The following PARVA variants were observed in gnomAD, a reference collection of about 807,000 sequenced individuals.
The protein encoded by PARVA is parvin alpha, also known as alpha-parvin.
In PARVA, 25 loss-of-function variants were observed where a neutral mutation model predicts 52.6. The ratio of observed to expected loss-of-function variants is 0.48; its 90% confidence interval spans 0.35 to 0.66. PARVA has a LOEUF of 0.66. Ranked by LOEUF, PARVA falls within the 30% of genes least tolerant of loss-of-function variation. The pLI is 0.01. For synonymous variants in PARVA, 185 were observed against 179.1 expected (o/e 1.03, Z -0.26); for missense variants, 373 against 450.9 (o/e 0.83, Z 1.56).
At chr11:12,454,449 A>AT in intron 1 of PARVA, among the ~76,000 whole-genome samples, 1 of 151,986 alleles carries the variant, frequency 6.6e-6, no homozygotes, top group Non-Finnish European at 1.5e-5. Flanking sequence ...TTAGTTGAAT[A>AT]TTTTTTTCAG....
chr11:12,473,680 T>A, intron 1 of PARVA, 65 bp from the exon 2 acceptor site: 2 of 1,215,704 alleles, frequency 1.6e-6, no homozygotes, highest in Admixed American at 4.0e-5. Context: ...ACACCCTTGT[T>A]ACAGAGCTCC....
chr11:12,456,363 G>A (rs1417444254), intron 1 of PARVA, among the ~76,000 whole-genome samples: 2 of 152,072 alleles, frequency 1.3e-5, no homozygotes, highest in African/African-American at 4.8e-5. Context: ...GTCAGAGCTG[G>A]GATTAATCCA....
In PARVA at chr11:12,473,959, C is replaced by G. The variant is rs1398743718; in HGVS notation, c.273C>G (p.Asp91Glu). The G allele has an allele frequency of 5.1e-6, 8 of 1,581,144 alleles. 1 individual carries two copies. The South Asian group carries it at 9.3e-5, about 18-fold the overall frequency. The stretch of plus-strand genomic sequence containing the variant: ...TGGTGGATCCAAACTCACGCAGTGA[C>G]CCCAAGCTTCAAGAACTGATGAAGG... ...RTMVDPNSRS[D>E]PKLQELMKVL... Residue 91 changes from aspartate (D) to glutamate (E), a missense_variant, in exon 3 of 13, where the codon GAC (aspartate) becomes GAG (glutamate). Asp to Glu is a conservative substitution (Grantham distance 45, BLOSUM62 2). Transcript: ENST00000334956.
At chr11:12,527,244 G>A (rs1298032531) in intron 12 of PARVA, among the ~76,000 whole-genome samples, 1 of 151,672 alleles carries the variant, frequency 6.6e-6, no homozygotes, top group East Asian at 2.0e-4. Context: ...AAGATCCGGG[G>A]GCACGGAAGA....
At chr11:12,442,227 T>C (rs1325972782) in intron 1 of PARVA, among the ~76,000 whole-genome samples, 1 of 152,266 alleles carries the variant, frequency 6.6e-6, no homozygotes, top group Non-Finnish European at 1.5e-5. Flanking sequence ...CAGTGCCCGA[T>C]GCTGCTGTCC....
chr11:12,457,936 C>T (rs1337011313), intron 1 of PARVA, among the ~76,000 whole-genome samples: 2 of 152,238 alleles, frequency 1.3e-5, no homozygotes, highest in Non-Finnish European at 2.9e-5. Context: ...TGCTCCTTCA[C>T]CACTGGAGCT....
chr11:12,416,947 T>C (rs1940075100), intron 1 of PARVA, among the ~76,000 whole-genome samples: 1 of 152,182 alleles, frequency 6.6e-6, no homozygotes, highest in Non-Finnish European at 1.5e-5. Context: ...TAGTAATCTT[T>C]AGATTACTAA....
At chr11:12,517,865 G>C (rs1941589965) in intron 11 of PARVA, among the ~76,000 whole-genome samples, 154 bp downstream of exon 11, 1 of 152,236 alleles carries the variant, frequency 6.6e-6, no homozygotes, top group Non-Finnish European at 1.5e-5. Flanking sequence ...TAAGAGCTGA[G>C]CTGGGAAGGA....
At chr11:12,430,568 T>C (rs1940302215) in intron 1 of PARVA, among the ~76,000 whole-genome samples, 1 of 152,246 alleles carries the variant, frequency 6.6e-6, no homozygotes, top group East Asian at 1.9e-4. Context: ...TTCCTGAATC[T>C]CATACCAAGA....
At chr11:12,408,185 C>T (rs1164373279) in intron 1 of PARVA, among the ~76,000 whole-genome samples, 1 of 152,164 alleles carries the variant, frequency 6.6e-6, no homozygotes, top group African/African-American at 2.4e-5. Flanking sequence ...GCCACTGAGA[C>T]CCCATTGTCT....
rs1162963503 is a variant in PARVA at position 12,530,529 on chromosome 11, T to C, written c.*2604T>C. 1 of 152,184 alleles carries C rather than the reference T, an allele frequency of 6.6e-6. No individual in the cohort carries two copies. Among genetic ancestry groups the C allele is most frequent in the Non-Finnish European group, 1.5e-5 (1 of 68,050 alleles). 9.4% of individuals were successfully genotyped at this position (152,184 alleles called of 1,614,324 possible). A position where few individuals can be genotyped will look rare whatever the true frequency, so the allele number is the denominator to read the frequency against. ...AAAATTTAAAAAGCGCAAATAGGTA[T>C]CTAGTGGAAAACCTAAGCCTCCCTC... On this transcript the variant is annotated 3_prime_UTR_variant, in exon 13 of 13. Coordinates refer to ENST00000334956, the MANE Select transcript of PARVA (RefSeq NM_018222.5).
rs1439255672 is a variant in PARVA, at chr11:12,530,647, C to A, written c.*2722C>A. 6.6e-6 allele frequency: 1 copy of A among 152,126 alleles called. No individual in the cohort carries two copies. Among genetic ancestry groups the A allele is most frequent in the African/African-American group, 2.4e-5 (1 of 41,428 alleles). 9.4% of individuals were successfully genotyped at this position (152,126 alleles called of 1,614,324 possible). A position where few individuals can be genotyped will look rare whatever the true frequency, so the allele number is the denominator to read the frequency against. ...AGAGATACTCTAGGCATGTAAAGCACAAACATACATATAAAATCTGCGGGC... is the reference window on the plus strand; with the variant it reads ...AGAGATACTCTAGGCATGTAAAGCAAAAACATACATATAAAATCTGCGGGC... On this transcript the variant is annotated 3_prime_UTR_variant, in exon 13 of 13. Coordinates refer to ENST00000334956, the MANE Select transcript of PARVA (RefSeq NM_018222.5).
At chr11:12,508,791 T>C in intron 7 of PARVA, 149 bp downstream of exon 7, 1 of 684,326 alleles carries the variant, frequency 1.5e-6, no homozygotes, top group Admixed American at 2.8e-5. Flanking sequence ...GCCTTTTCCA[T>C]GCATTCAAAA....
In PARVA at chr11:12,488,253, T is replaced by C. The variant is rs143067509; in HGVS notation, c.401-8205T>C. On this transcript the variant is annotated intron_variant, in intron 4 of 12. Coordinates refer to ENST00000334956, the MANE Select transcript of PARVA (RefSeq NM_018222.5). ...GGTCCTAATTAATATGATAAGAAAA[T>C]AGATTTTCATTTTTAGCATTATGGC... 2.4e-4 allele frequency among the ~76,000 whole-genome samples: 36 copies of C among 152,264 alleles called. No homozygotes were observed. The East Asian group carries it at 6.6e-3, about 28-fold the overall frequency.
chr11:12,482,607 C>G (rs1941103482), intron 4 of PARVA, among the ~76,000 whole-genome samples: 1 of 146,008 alleles, frequency 6.8e-6, no homozygotes, highest in Admixed American at 7.2e-5. Context: ...GCCTGGGTGA[C>G]AGAGCAAGTC....
rs538341391 is a variant in PARVA at position 12,496,717 on chromosome 11, T to C, written c.541+119T>C. 1.5e-4 allele frequency: 145 copies of C among 963,188 alleles called. No homozygotes were observed. The African/African-American group carries it at 2.2e-3, about 15-fold the overall frequency. 59.7% of individuals were successfully genotyped at this position (963,188 alleles called of 1,614,324 possible). A position where few individuals can be genotyped will look rare whatever the true frequency, so the allele number is the denominator to read the frequency against. On this transcript the variant is annotated intron_variant, in intron 5 of 12. Transcript: ENST00000334956. Reference sequence around the variant, plus strand: ...TTCAGGGGAGGGGGTCAAACTCATTTATCTTTGAACAAGTTGCCCCGCTTC... The same window carrying C: ...TTCAGGGGAGGGGGTCAAACTCATTCATCTTTGAACAAGTTGCCCCGCTTC...
chr11:12,502,373 TAATG>T, intron 5 of PARVA, among the ~76,000 whole-genome samples: 1 of 152,254 alleles, frequency 6.6e-6, no homozygotes, highest in Admixed American at 6.5e-5. Flanking sequence ...GACATCCTAA[TAATG>T]GGCCTAGTGC....
chr11:12,446,621 A>C (rs1205713096), intron 1 of PARVA, among the ~76,000 whole-genome samples: 1 of 152,226 alleles, frequency 6.6e-6, no homozygotes, highest in Non-Finnish European at 1.5e-5. Flanking sequence ...AATATTATTA[A>C]AATATCAAAT....
intron 1 of PARVA, among the ~76,000 whole-genome samples, chr11:12,445,809 T>C (rs1159328954): frequency 6.6e-6 from 1 of 152,224 alleles, no homozygotes; most frequent in Non-Finnish European, 1.5e-5. Flanking sequence ...ATTTCAAATA[T>C]TCTGTCCCAT....
Sources: gnomAD v4.1 joint callset for allele counts (sites outside exome capture counted in the v4.1 genomes callset) on GRCh38, gnomAD v4.1.1 for gene constraint, MANE v1.5 for transcripts, NCBI Gene and HGNC (gene_info 2026-07-23, HGNC 2026-07-21) for gene names.